AFF2: variants seen among roughly 807,000 people sequenced by gnomAD.
AFF2 encodes the protein ALF transcription elongation factor 2, also known as AF4/FMR2 family member 2.
In AFF2, 14 loss-of-function variants were observed where a neutral mutation model predicts 76.9. The observed-to-expected ratio is 0.18, with a 90% CI of 0.12 to 0.28. The LOEUF (loss-of-function observed/expected upper bound fraction) is 0.28. Among genes scored for constraint, AFF2 ranks in the 10% least tolerant of loss-of-function variants. The probability of loss-of-function intolerance (pLI) is 1.00; values close to 1 mark genes in which losing one functional copy is unlikely to be tolerated. For missense variants in AFF2, 868 were observed against 1,001.1 expected, an observed-to-expected ratio of 0.87 and a Z score of 1.79; for synonymous variants, 398 against 366.7, an observed-to-expected ratio of 1.09 and a Z score of -0.98.
At chrX:148,557,230 T>A (rs930883952) in intron 1 of AFF2, among the ~76,000 whole-genome samples, 14 of 112,227 alleles carry the variant, frequency 1.2e-4, no homozygotes, top group African/African-American at 4.5e-4. Context: ...AAATGTTAAA[T>A]GTCTGGTAGT....
chrX:148,792,407 C>T (rs1046877736), intron 3 of AFF2, among the ~76,000 whole-genome samples: 13 of 112,556 alleles, frequency 1.2e-4, no homozygotes, highest in African/African-American at 2.3e-4. Flanking sequence ...GAGCCGAGAG[C>T]GTGCCACTGC....
chrX:148,795,418 T>C (rs782579616), intron 3 of AFF2, among the ~76,000 whole-genome samples: 1 of 110,630 alleles, frequency 9.0e-6, no homozygotes, highest in East Asian at 2.8e-4. Context: ...TGAAACTTTG[T>C]AGCATCCTGA....
At chrX:148,982,613 C>T (rs1391008559) in intron 19 of AFF2, among the ~76,000 whole-genome samples, 1 of 112,201 alleles carries the variant, frequency 8.9e-6, no homozygotes. Flanking sequence ...TCAAACCCTC[C>T]TAGGCTGGCT....
intron 1 of AFF2, among the ~76,000 whole-genome samples, chrX:148,505,955 C>CTGTGTGTG (rs3838386): frequency 9.8e-6 from 1 of 102,422 alleles, no homozygotes; most frequent in African/African-American, 3.6e-5. Context: ...GTGTGTGTGT[C>CTGTGTGTG]TGTGTGTGTG....
chrX:148,847,566 A>T (rs1345345335), intron 7 of AFF2, among the ~76,000 whole-genome samples: 1 of 111,690 alleles, frequency 9.0e-6, no homozygotes, highest in Non-Finnish European at 1.9e-5. Flanking sequence ...TTGCCAACTT[A>T]TGGTATTAAC....
chrX:148,614,709 C>CT (rs200812726), intron 1 of AFF2, among the ~76,000 whole-genome samples: 578 of 43,998 alleles, frequency 0.013, 6 homozygotes, highest in South Asian at 0.024. Context: ...TTCTTTCTTT[C>CT]TTTCTTTCTT....
chrX:148,970,976 G>C (rs1569557845), intron 15 of AFF2, among the ~76,000 whole-genome samples: 2 of 111,183 alleles, frequency 1.8e-5, no homozygotes, highest in Non-Finnish European at 3.8e-5. Flanking sequence ...GAAACTAGTT[G>C]AGGCAATGAT....
intron 1 of AFF2, among the ~76,000 whole-genome samples, chrX:148,527,285 C>G (rs2052671642): frequency 8.9e-6 from 1 of 111,792 alleles, no homozygotes; most frequent in Non-Finnish European, 1.9e-5. Flanking sequence ...CAAATTGAGG[C>G]ACATTCTACA....
At chrX:148,899,983 A>G (rs2071336916) in intron 8 of AFF2, among the ~76,000 whole-genome samples, 2 of 110,550 alleles carry the variant, frequency 1.8e-5, no homozygotes, top group Non-Finnish European at 3.8e-5. Flanking sequence ...AAGATTCTCT[A>G]CATTTTCTAT....
chrX:148,601,018 G>A (rs1335319828), intron 1 of AFF2, among the ~76,000 whole-genome samples: 1 of 112,231 alleles, frequency 8.9e-6, no homozygotes, highest in African/African-American at 3.2e-5. Context: ...AAAGAAGTAG[G>A]GAGGACAGAT....
chrX:148,613,893 C>A (rs1051280355), intron 1 of AFF2, among the ~76,000 whole-genome samples: 2 of 112,026 alleles, frequency 1.8e-5, no homozygotes, highest in Admixed American at 1.9e-4. Flanking sequence ...TGTACTTAGC[C>A]GTGAATTAGA....
intron 3 of AFF2, among the ~76,000 whole-genome samples, chrX:148,796,938 T>C (rs1394187903): frequency 8.9e-6 from 1 of 111,924 alleles, no homozygotes; most frequent in East Asian, 2.8e-4. Flanking sequence ...CAACAGGTTA[T>C]TTTTGAAAAT....
intron 7 of AFF2, among the ~76,000 whole-genome samples, chrX:148,878,468 C>A (rs1187339234): frequency 9.0e-6 from 1 of 111,682 alleles, no homozygotes; most frequent in Non-Finnish European, 1.9e-5. Context: ...TTCTTTCAGT[C>A]AATCTATATT....
Position 148,837,707 on chromosome X carries a change from C to A in AFF2, c.1147C>A (p.Gln383Lys). ...TSMHTAGHSE[Q>K]STFSIPGQES... ...CATGCATACTGCTGGACACTCTGAG[C>A]AGAGCACCTTTTCCATCCCAGGACA... Residue 383 changes from glutamine to lysine, a missense_variant, in exon 5 of 21, where the codon CAG becomes AAG. Transcript: ENST00000370460. The A allele has an allele frequency of 8.3e-7, 1 of 1,199,993 alleles. No individual in the cohort carries two copies. The highest frequency in any genetic ancestry group is 1.1e-6 in the Non-Finnish European group (1 of 885,251).
At chrX:148,607,052 A>T (rs1441279876) in intron 1 of AFF2, among the ~76,000 whole-genome samples, 1 of 111,382 alleles carries the variant, frequency 9.0e-6, no homozygotes, top group Non-Finnish European at 1.9e-5. Context: ...ATAGACGACA[A>T]GATGTAAAGC....
intron 1 of AFF2, among the ~76,000 whole-genome samples, chrX:148,639,768 GA>G (rs782292527): frequency 7.8e-4 from 87 of 111,940 alleles, no homozygotes; most frequent in African/African-American, 2.8e-3. Context: ...AAAGAAAGAA[GA>G]AAAGCAAGCA....
intron 3 of AFF2, among the ~76,000 whole-genome samples, chrX:148,795,800 CAAAAAAAAAAAAAAAAAAA>C (rs146034170): frequency 3.7e-4 from 2 of 5,371 alleles, no homozygotes; most frequent in East Asian, 0.03. Flanking sequence ...GAGACTGTCT[CAAAAAAAAAAAAAAAAAAA>C]AAAAAAAAAA....
rs1258340055 is a variant in AFF2, at chrX:149,000,364, A to G, written c.*9032A>G. The G allele has an allele frequency of 4.4e-5, 5 of 112,655 alleles. No homozygotes were observed. Among genetic ancestry groups the G allele is most frequent in the Non-Finnish European group, 7.5e-5 (4 of 53,339 alleles). The allele number at this position is 112,655 out of a possible 1,213,427, so 9.3% of individuals were successfully genotyped here. On this transcript the variant is annotated 3_prime_UTR_variant, in exon 21 of 21. Transcript: ENST00000370460. ...TGTTCTAAAATCAATCAATTAATGAAATGTTATCTGGTTTTTAAAAGCTGG... is the reference window on the plus strand; with the variant it reads ...TGTTCTAAAATCAATCAATTAATGAGATGTTATCTGGTTTTTAAAAGCTGG...
At chrX:148,606,678 A>G (rs2053675690) in intron 1 of AFF2, among the ~76,000 whole-genome samples, 1 of 111,790 alleles carries the variant, frequency 8.9e-6, no homozygotes, top group Non-Finnish European at 1.9e-5. Context: ...ACCAATTTTC[A>G]AACGATCACT....
Sources: gnomAD v4.1 joint callset for allele counts (sites outside exome capture counted in the v4.1 genomes callset) on GRCh38, gnomAD v4.1.1 for gene constraint, MANE v1.5 for transcripts, NCBI Gene and HGNC (gene_info 2026-07-23, HGNC 2026-07-21) for gene names.